The following ANKRD62 variants were observed in gnomAD, a reference collection of about 807,000 sequenced individuals.
The protein encoded by ANKRD62 is ankyrin repeat domain 62.
A neutral mutation model predicts 98.8 loss-of-function variants in ANKRD62; 61 were observed. That is an observed-to-expected ratio of 0.62 (90% CI 0.50 to 0.76). The LOEUF is 0.76. Ranked by LOEUF, ANKRD62 falls within the 30% of genes least tolerant of loss-of-function variation. The pLI is 0.00. For synonymous variants in ANKRD62, 341 were observed against 367.9 expected, an observed-to-expected ratio of 0.93 and a Z score of 0.84; for missense variants, 933 against 1,082.9, an observed-to-expected ratio of 0.86 and a Z score of 1.94.
At chr18:12,094,954 T>A (rs1041039017) in intron 1 of ANKRD62, among the ~76,000 whole-genome samples, 1 of 38,746 alleles carries the variant, frequency 2.6e-5, no homozygotes, top group Non-Finnish European at 4.9e-5. Context: ...GGGGTGGGGG[T>A]GGGGTGAGTG....
rs1045751917 is a variant in ANKRD62 at position 12,128,071 on chromosome 18, T to C, written c.*132T>C. 7 of 486,290 alleles carry C rather than the reference T, an allele frequency of 1.4e-5. No individual in the cohort carries two copies. Among genetic ancestry groups the C allele is most frequent in the East Asian group, 3.9e-5 (1 of 25,744 alleles). 30.1% of individuals were successfully genotyped at this position (486,290 alleles called of 1,614,324 possible). The stretch of plus-strand genomic sequence containing the variant: ...CATCCATTTCTCAATCTCTGCCATG[T>C]TTTATAATTATAAATATTTTTCTTA... On this transcript the variant is annotated 3_prime_UTR_variant, in exon 14 of 14. Transcript: ENST00000587848.
At chr18:12,122,678 G>A (rs1249794833) in intron 11 of ANKRD62, among the ~76,000 whole-genome samples, 162 bp downstream of exon 11, 1 of 152,146 alleles carries the variant, frequency 6.6e-6, no homozygotes, top group African/African-American at 2.4e-5. Context: ...CAAGTTAATT[G>A]TGAATACTTC....
chr18:12,110,866 G>T (rs1031474607), intron 8 of ANKRD62, among the ~76,000 whole-genome samples: 1 of 152,106 alleles, frequency 6.6e-6, no homozygotes, highest in East Asian at 1.9e-4. Context: ...CTTTCTAGTT[G>T]TTTTAGTTGT....
At chr18:12,177,439 A>G in the ANKRD62 span, among the ~76,000 whole-genome samples, 1 of 152,302 alleles carries the variant, frequency 6.6e-6, no homozygotes, top group East Asian at 1.9e-4. Flanking sequence ...CCAGCTGGGC[A>G]TGGGCAATAG....
At chr18:12,144,905 A>G in the ANKRD62 span, among the ~76,000 whole-genome samples, 1 of 129,988 alleles carries the variant, frequency 7.7e-6, no homozygotes, top group South Asian at 2.9e-4. Context: ...CCACTTTGGG[A>G]GGCCGAGGAG....
chr18:12,164,079 T>A, the ANKRD62 span, among the ~76,000 whole-genome samples: 79 of 152,136 alleles, frequency 5.2e-4, no homozygotes, highest in South Asian at 0.016. Flanking sequence ...TGAGTAGGAT[T>A]GGTATTAATT....
the ANKRD62 span, among the ~76,000 whole-genome samples, chr18:12,174,845 C>T: frequency 2.6e-5 from 4 of 152,192 alleles, no homozygotes; most frequent in Non-Finnish European, 5.9e-5. Context: ...TCTCTGGCTC[C>T]TTGAGGTTAA....
downstream of ANKRD62, among the ~76,000 whole-genome samples, chr18:12,132,861 G>A (rs904468990): frequency 3.3e-5 from 5 of 151,992 alleles, no homozygotes; most frequent in Non-Finnish European, 7.4e-5. Context: ...TTCAAATCTT[G>A]TATTCTGTTT....
At chr18:12,161,195 C>T in the ANKRD62 span, among the ~76,000 whole-genome samples, 76 of 151,936 alleles carry the variant, frequency 5.0e-4, no homozygotes, top group Non-Finnish European at 6.9e-4. Context: ...AAACATTTGA[C>T]GTATTTTTTT....
chr18:12,165,608 A>G, the ANKRD62 span, among the ~76,000 whole-genome samples: 1 of 152,012 alleles, frequency 6.6e-6, no homozygotes, highest in Non-Finnish European at 1.5e-5. Context: ...TGTACTGTGT[A>G]TGTCTTGAGA....
At chr18:12,178,031 C>T in the ANKRD62 span, among the ~76,000 whole-genome samples, 1 of 124,236 alleles carries the variant, frequency 8.0e-6, no homozygotes, top group South Asian at 3.0e-4. Context: ...AGAGATGTGC[C>T]AATAGAAAGA....
At chr18:12,114,840 T>C (rs967818696) in intron 8 of ANKRD62, among the ~76,000 whole-genome samples, 2 of 152,150 alleles carry the variant, frequency 1.3e-5, no homozygotes, top group African/African-American at 4.8e-5. Flanking sequence ...TCAGAAAGCT[T>C]GATTTAAACT....
At chr18:12,133,731 A>T (rs9961455), downstream of ANKRD62, among the ~76,000 whole-genome samples, 93,183 of 151,834 alleles carry the variant, frequency 0.61, 29,034 homozygotes, top group Middle Eastern at 0.75. Flanking sequence ...GCCTTTTTGT[A>T]GTTGATTTGT....
chr18:12,096,824 A>ATTGC (rs1370034146), intron 4 of ANKRD62, among the ~76,000 whole-genome samples: 1 of 152,180 alleles, frequency 6.6e-6, no homozygotes, highest in African/African-American at 2.4e-5. Context: ...GTGACTATTA[A>ATTGC]TTGCTATTGC....
chr18:12,141,332 C>T, the ANKRD62 span, among the ~76,000 whole-genome samples: 1 of 152,214 alleles, frequency 6.6e-6, no homozygotes, highest in African/African-American at 2.4e-5. Context: ...CCTGCTTCAG[C>T]TCACACACGG....
rs1433390004 is a variant in ANKRD62, at chr18:12,127,831, A to G, written c.2646A>G (p.Ser882=). The change falls in exon 14 of 14, where the codon TCA becomes TCG. Residue 882 remains serine, a synonymous_variant. Transcript: ENST00000587848. ...LLLEAMLEIS[S]ERRINLEDEA... ...TAGAAGCTATGCTAGAGATTTCATC[A>G]GAACGTCGTATTAATTTAGAAGATG... 2.6e-6 allele frequency: 4 copies of G among 1,523,498 alleles called. No homozygotes were observed. Among genetic ancestry groups the G allele is most frequent in the Non-Finnish European group, 3.5e-6 (4 of 1,141,954 alleles). The allele number at this position is 1,523,498 out of a possible 1,614,324, so 94.4% of individuals were successfully genotyped here.
chr18:12,150,933 T>C, the ANKRD62 span, among the ~76,000 whole-genome samples: 1 of 152,078 alleles, frequency 6.6e-6, no homozygotes, highest in Non-Finnish European at 1.5e-5. Context: ...TCCACAAATA[T>C]CAACACTAAC....
chr18:12,151,916 A>G, the ANKRD62 span, among the ~76,000 whole-genome samples: 3 of 152,144 alleles, frequency 2.0e-5, no homozygotes, highest in Non-Finnish European at 4.4e-5. Flanking sequence ...AAGTAACATG[A>G]GTAACTACTA....
chr18:12,167,620 A>G, the ANKRD62 span, among the ~76,000 whole-genome samples: 132,743 of 152,166 alleles, frequency 0.87, 58,116 homozygotes, highest in Middle Eastern at 0.98. Flanking sequence ...CTTTATAGGA[A>G]CATGATTTAT....
Sources: allele counts gnomAD v4.1 joint callset (sites outside exome capture counted in the v4.1 genomes callset), GRCh38; gene constraint gnomAD v4.1.1; transcripts MANE v1.5; gene names NCBI Gene and HGNC (gene_info 2026-07-23, HGNC 2026-07-21).